The following HK1 variants were observed in gnomAD, a reference collection of about 807,000 sequenced individuals.
The protein encoded by HK1 is hexokinase 1, also known as hexokinase-1.
A neutral mutation model predicts 91.6 loss-of-function variants in HK1; 28 were observed. The observed-to-expected ratio is 0.31, with a 90% CI of 0.23 to 0.42. The LOEUF is 0.42. Ranked by LOEUF, HK1 falls within the 10% of genes least tolerant of loss-of-function variation. The pLI is 1.00. For synonymous variants in HK1, 430 were observed against 468.1 expected (o/e 0.92, Z 1.05); for missense variants, 770 against 1,219.8 (o/e 0.63, Z 5.49).
At chr10:69,306,540 G>C (rs1846116062) in intron 5 of HK1, among the ~76,000 whole-genome samples, 1 of 152,158 alleles carries the variant, frequency 6.6e-6, no homozygotes, top group Admixed American at 6.5e-5. Context: ...GTTCACATGT[G>C]AAATGAGGAG....
intron 1 of HK1, among the ~76,000 whole-genome samples, chr10:69,274,073 T>C (rs1165362229): frequency 2.2e-4 from 34 of 152,136 alleles, no homozygotes; most frequent in Admixed American, 2.2e-3. Flanking sequence ...GAACACTCTT[T>C]CTTCTCTCAG....
intron 10 of HK1, 109 bp from the exon 11 acceptor site, chr10:69,384,224 C>T: frequency 7.6e-7 from 1 of 1,319,934 alleles, no homozygotes; most frequent in Non-Finnish European, 1.1e-6. Context: ...AGCTTCTCCT[C>T]TATGTTTGCT....
In HK1 at chr10:69,380,715, C is replaced by T. The variant is rs1322311752; in HGVS notation, c.1265+620C>T. Among the ~76,000 whole-genome samples, 2 of 152,234 alleles carry T rather than the reference C, an allele frequency of 1.3e-5. No individual in the cohort carries two copies. Among genetic ancestry groups the T allele is most frequent in the Admixed American group, 1.3e-4 (2 of 15,280 alleles). Reference sequence around the variant, plus strand: ...GCAAGGAGGTGCTTTGTTCCCCACACAGCCTTCTGGTCTGTCAGTGGCCCC... The same window carrying T: ...GCAAGGAGGTGCTTTGTTCCCCACATAGCCTTCTGGTCTGTCAGTGGCCCC... On this transcript the variant is annotated intron_variant, in intron 9 of 17. Transcript: ENST00000359426. The surrounding 1 kb of genome is among the most constrained non-coding windows in gnomAD (Gnocchi z 4.0).
chr10:69,304,275 A>ATTATTTAT (rs141139312), intron 5 of HK1, among the ~76,000 whole-genome samples: 1,651 of 143,422 alleles, frequency 0.012, 14 homozygotes, highest in Middle Eastern at 0.032. Context: ...TTTTATTTTT[A>ATTATTTAT]TTATTTATTT....
At chr10:69,292,244 A>ATT in intron 3 of HK1, 5 of 323,334 alleles carry the variant, frequency 1.5e-5, no homozygotes, top group East Asian at 1.1e-4. Flanking sequence ...CCAGTTTTTA[A>ATT]TTTTTTTTTG....
chr10:69,331,861 G>A (rs1277506392), intron 1 of HK1, among the ~76,000 whole-genome samples: 1 of 151,490 alleles, frequency 6.6e-6, no homozygotes, highest in Non-Finnish European at 1.5e-5. Context: ...CTAGGTGATG[G>A]AGCCAAGACC....
rs538768945 is a variant in HK1 at position 69,398,777 on chromosome 10, G to A, written c.2558G>A (p.Arg853His). ...DKIRENRGLD[R>H]LNVTVGVDGT... Reference sequence around the variant, plus strand: ...ATCCGCGAGAACAGAGGACTGGACCGTCTGAATGTGACTGTGGGAGTGGAC... The same window carrying A: ...ATCCGCGAGAACAGAGGACTGGACCATCTGAATGTGACTGTGGGAGTGGAC... Residue 853 changes from arginine (R) to histidine (H), a missense_variant, in exon 17 of 18, where the codon CGT (arginine) becomes CAT (histidine). Arg to His is a conservative substitution (Grantham distance 29). Coordinates refer to ENST00000359426, the MANE Select transcript of HK1 (RefSeq NM_000188.3). 2.6e-5 allele frequency: 42 copies of A among 1,614,138 alleles called. No individual in the cohort carries two copies. Among genetic ancestry groups the A allele is most frequent in the Admixed American group, 1.2e-4 (7 of 60,034 alleles).
intron 3 of HK1, among the ~76,000 whole-genome samples, chr10:69,361,099 C>T (rs1391379676): frequency 1.3e-5 from 2 of 152,240 alleles, no homozygotes; most frequent in African/African-American, 4.8e-5. Flanking sequence ...AGCCACCAAG[C>T]CTTTTCTTTG....
At chr10:69,315,799 G>A, upstream of HK1, 1 of 745,102 alleles carries the variant, frequency 1.3e-6, no homozygotes, top group Non-Finnish European at 2.5e-6. Context: ...GTTGCATGAG[G>A]GGTTGGGGGT....
intron 1 of HK1, among the ~76,000 whole-genome samples, chr10:69,326,468 T>C (rs1467098620): frequency 6.6e-6 from 1 of 152,174 alleles, no homozygotes; most frequent in Non-Finnish European, 1.5e-5. Flanking sequence ...CCAGAGGAGA[T>C]AAAACATTTT....
intron 4 of HK1, among the ~76,000 whole-genome samples, chr10:69,298,134 C>T (rs1845662068): frequency 6.6e-6 from 1 of 151,336 alleles, no homozygotes; most frequent in Non-Finnish European, 1.5e-5. Flanking sequence ...ATGCTTGAAC[C>T]CAGGAGGCGG....
At chr10:69,379,317 TTGTG>T (rs895583684) in intron 8 of HK1, among the ~76,000 whole-genome samples, 4 of 152,208 alleles carry the variant, frequency 2.6e-5, no homozygotes, top group Admixed American at 2.6e-4. Flanking sequence ...GTATATGTGT[TTGTG>T]TGTATGTGTG....
chr10:69,391,133 GGT>G (rs1839878895), intron 14 of HK1, among the ~76,000 whole-genome samples: 1 of 152,188 alleles, frequency 6.6e-6, no homozygotes, highest in Non-Finnish European at 1.5e-5. Flanking sequence ...GCATGTGTGC[GGT>G]GTGTGGGTCC....
chr10:69,362,115 G>T lies in HK1; in HGVS notation c.375+2070G>T, dbSNP rs572943995. Among the ~76,000 whole-genome samples the T allele has an allele frequency of 5.9e-5, 9 of 152,308 alleles. 1 individual carries two copies. The South Asian group carries it at 1.9e-3, about 32-fold the overall frequency. The stretch of plus-strand genomic sequence containing the variant: ...TTTAATAAATTCAGAAGCACAAATG[G>T]AACATTCTTAAAATATCACTTACTT... On this transcript the variant is annotated intron_variant, in intron 3 of 17. Coordinates refer to ENST00000359426, the MANE Select transcript of HK1 (RefSeq NM_000188.3).
At chr10:69,343,729 C>T in intron 1 of HK1, 98 bp from the exon 2 acceptor site, 1 of 894,852 alleles carries the variant, frequency 1.1e-6, no homozygotes, top group Middle Eastern at 3.2e-4. Context: ...GTGCGTGTTC[C>T]TGTGCCTGTG....
intron 3 of HK1, among the ~76,000 whole-genome samples, chr10:69,292,861 T>C (rs761731416): frequency 6.6e-6 from 1 of 152,286 alleles, no homozygotes; most frequent in Non-Finnish European, 1.5e-5. Context: ...ACCAATATAC[T>C]TGAGTTTGGG....
chr10:69,283,927 G>A (rs886674216), intron 2 of HK1, among the ~76,000 whole-genome samples: 1 of 144,844 alleles, frequency 6.9e-6, no homozygotes, highest in African/African-American at 2.5e-5. Flanking sequence ...CCAGAGAGAG[G>A]CAAACACTTT....
chr10:69,319,730 C>T (rs547569166), intron 1 of HK1, among the ~76,000 whole-genome samples: 16 of 152,376 alleles, frequency 1.1e-4, no homozygotes, highest in Admixed American at 5.2e-4. Context: ...CATGCTTGTT[C>T]TAGCACTTGG....
intron 17 of HK1, among the ~76,000 whole-genome samples, chr10:69,399,923 G>A (rs1016568649): frequency 2.0e-5 from 3 of 152,122 alleles, no homozygotes; most frequent in African/African-American, 4.8e-5. Context: ...CCTCATGGCC[G>A]TGGCTTGGGG....
Sources: allele counts gnomAD v4.1 joint callset (sites outside exome capture counted in the v4.1 genomes callset), GRCh38; gene constraint gnomAD v4.1.1; non-coding constraint Gnocchi (gnomAD v3.1); transcripts MANE v1.5; gene names NCBI Gene and HGNC (gene_info 2026-07-23, HGNC 2026-07-21).